GALNT14: variants seen among roughly 807,000 people sequenced by gnomAD.
GALNT14 encodes the protein polypeptide N-acetylgalactosaminyltransferase 14.
Under a neutral mutation model 77.5 loss-of-function variants are expected in GALNT14, and 60 were observed. The observed-to-expected ratio is 0.77, with a 90% CI of 0.63 to 0.96. The LOEUF (loss-of-function observed/expected upper bound fraction) is 0.96, where lower values mean the gene tolerates loss of function less well. Ranked by LOEUF, GALNT14 falls within the 40% of genes least tolerant of loss-of-function variation. GALNT14 has a pLI of 0.00. For missense variants in GALNT14, 710 were observed against 731.0 expected, an observed-to-expected ratio of 0.97 and a Z score of 0.33; for synonymous variants, 280 against 281.7, an observed-to-expected ratio of 0.99 and a Z score of 0.06.
At chr2:30,968,816 A>T (rs1668169004) in intron 2 of GALNT14, among the ~76,000 whole-genome samples, 1 of 152,228 alleles carries the variant, frequency 6.6e-6, no homozygotes, top group Admixed American at 6.5e-5. Context: ...TAAGCAGTAG[A>T]AAAAGGGAAG....
rs117075168 is a variant in GALNT14, at chr2:31,094,606, A to G, written c.129+43352T>C. Reference sequence around the variant, plus strand: ...CCTCCTTTGATCCAGTTTATTCCACATGCCAGACTTCACCACTAGCCAAGT... The same window carrying G: ...CCTCCTTTGATCCAGTTTATTCCACGTGCCAGACTTCACCACTAGCCAAGT... On this transcript the variant is annotated intron_variant, in intron 1 of 14. Transcript: ENST00000349752. Among the ~76,000 whole-genome samples, 3 of 152,316 alleles carry G rather than the reference A, an allele frequency of 2.0e-5. No homozygotes were observed. The East Asian group carries it at 5.8e-4, about 29-fold the overall frequency.
intron 2 of GALNT14, among the ~76,000 whole-genome samples, chr2:30,982,642 G>A (rs1002847435): frequency 9.2e-5 from 14 of 152,170 alleles, no homozygotes; most frequent in African/African-American, 2.2e-4. Context: ...AGGTAGCCAC[G>A]GAGAATTCTG....
intron 11 of GALNT14, among the ~76,000 whole-genome samples, chr2:30,927,268 C>T (rs1458199749): frequency 2.0e-5 from 3 of 152,128 alleles, no homozygotes; most frequent in African/African-American, 7.2e-5. Flanking sequence ...TTTGAAACTC[C>T]CCAGGGAACT....
intron 1 of GALNT14, among the ~76,000 whole-genome samples, chr2:31,032,453 A>C (rs1472801807): frequency 6.6e-6 from 1 of 152,162 alleles, no homozygotes; most frequent in African/African-American, 2.4e-5. Flanking sequence ...GGTATTTTTC[A>C]TTTCCAGGCT....
chr2:31,002,769 G>A (rs1008475058), intron 1 of GALNT14, among the ~76,000 whole-genome samples: 1 of 152,180 alleles, frequency 6.6e-6, no homozygotes, highest in Admixed American at 6.5e-5. Flanking sequence ...GAGGATGACT[G>A]TCAGTGGCAG....
Position 31,063,709 on chromosome 2 carries a change from G to A in GALNT14, c.130-70702C>T, listed in dbSNP as rs188963713. ...ATCTATGAGCATGGAATGTTTTTCCGTTTGTTTGTTTCCTCTTATTTCCTT... is the reference window on the plus strand; with the variant it reads ...ATCTATGAGCATGGAATGTTTTTCCATTTGTTTGTTTCCTCTTATTTCCTT... On this transcript the variant is annotated intron_variant, in intron 1 of 14. Coordinates refer to ENST00000349752, the MANE Select transcript of GALNT14 (RefSeq NM_024572.4). Among the ~76,000 whole-genome samples the A allele has an allele frequency of 2.1e-3, 327 of 152,124 alleles. 1 individual carries two copies. Among genetic ancestry groups the A allele is most frequent in the African/African-American group, 7.6e-3 (317 of 41,504 alleles).
chr2:30,937,555 G>T (rs183694106), intron 9 of GALNT14, among the ~76,000 whole-genome samples: 7 of 152,222 alleles, frequency 4.6e-5, no homozygotes, highest in Admixed American at 4.6e-4. Flanking sequence ...GGCCTCTCTC[G>T]GCTACTTCCA....
chr2:31,126,672 A>G (rs1008503160), intron 1 of GALNT14: 5 of 152,206 alleles, frequency 3.3e-5, no homozygotes, highest in African/African-American at 1.2e-4. Context: ...CTCTGCAATC[A>G]CACTTTCACC....
chr2:30,952,628 G>C, intron 6 of GALNT14, among the ~76,000 whole-genome samples: 1 of 110,654 alleles, frequency 9.0e-6, no homozygotes, highest in South Asian at 4.0e-4. Context: ...GGGGAGGGGG[G>C]AGGGATAGCA....
chr2:31,047,250 T>C (rs1036221984), intron 1 of GALNT14, among the ~76,000 whole-genome samples: 2 of 152,090 alleles, frequency 1.3e-5, no homozygotes, highest in Admixed American at 6.5e-5. Flanking sequence ...CAGCAAGCCA[T>C]GGTGGGAAGG....
chr2:31,088,566 A>G (rs2148595066), intron 1 of GALNT14, among the ~76,000 whole-genome samples: 1 of 152,370 alleles, frequency 6.6e-6, no homozygotes, highest in South Asian at 2.1e-4. Context: ...CTTGGAGCCC[A>G]GCTTAGATCT....
intron 1 of GALNT14, chr2:31,065,147 T>A (rs752564091): frequency 7.2e-5 from 11 of 151,928 alleles, no homozygotes; most frequent in Non-Finnish European, 1.2e-4. Flanking sequence ...CAGATATCCA[T>A]CTTGGTCCTT....
At chr2:31,095,583 G>A (rs1435984293) in intron 1 of GALNT14, among the ~76,000 whole-genome samples, 2 of 152,010 alleles carry the variant, frequency 1.3e-5, no homozygotes, top group Non-Finnish European at 2.9e-5. Context: ...AAATTTTGAA[G>A]CTTTTGACCC....
chr2:30,920,132 C>G (rs148911896), intron 13 of GALNT14, among the ~76,000 whole-genome samples: 1 of 152,170 alleles, frequency 6.6e-6, no homozygotes, highest in Admixed American at 6.5e-5. Flanking sequence ...GAGCTCAGAG[C>G]CAGCCCTGAC....
intron 9 of GALNT14, among the ~76,000 whole-genome samples, chr2:30,936,086 T>C (rs1267667886): frequency 6.6e-6 from 1 of 152,212 alleles, no homozygotes; most frequent in Non-Finnish European, 1.5e-5. Flanking sequence ...TGCAGATGTG[T>C]AATTATTCCA....
intron 1 of GALNT14, among the ~76,000 whole-genome samples, chr2:31,136,989 C>G (rs750212758): frequency 1.3e-5 from 2 of 152,172 alleles, no homozygotes; most frequent in Non-Finnish European, 1.5e-5. Flanking sequence ...TGCCCAGACC[C>G]CTAGACGACT....
rs1666433173 is a variant in GALNT14 at position 30,942,433 on chromosome 2, ACT to A, written c.828-131_828-130del. The A allele has an allele frequency of 6.2e-6, 4 of 642,420 alleles. No homozygotes were observed. In the South Asian group the frequency reaches 7.8e-5, roughly 12 times the overall value. 39.8% of individuals were successfully genotyped at this position (642,420 alleles called of 1,614,324 possible). On this transcript the variant is annotated intron_variant, in intron 8 of 14. Coordinates refer to ENST00000349752, the MANE Select transcript of GALNT14 (RefSeq NM_024572.4). ...AAGAAAACCCCATTGAGGGAAGAAA[ACT>A]CTCATTTTCTTCCCATTTCTGTTCC...
intron 1 of GALNT14, among the ~76,000 whole-genome samples, chr2:31,086,198 C>A (rs1311267381): frequency 6.6e-6 from 1 of 152,224 alleles, no homozygotes; most frequent in Non-Finnish European, 1.5e-5. Context: ...TTGGGCCACA[C>A]ACTACTCTGG....
At chr2:30,927,809 G>C (rs780649091) in intron 11 of GALNT14, among the ~76,000 whole-genome samples, 86 of 152,150 alleles carry the variant, frequency 5.7e-4, no homozygotes, top group Non-Finnish European at 1.1e-3. Context: ...AGGGCCAGTG[G>C]GCAGACTGCA....
Sources: gnomAD v4.1 joint callset for allele counts (sites outside exome capture counted in the v4.1 genomes callset) on GRCh38, gnomAD v4.1.1 for gene constraint, MANE v1.5 for transcripts, NCBI Gene and HGNC (gene_info 2026-07-23, HGNC 2026-07-21) for gene names.